The following NF1 variants were observed in gnomAD, a reference collection of about 807,000 sequenced individuals.
The protein encoded by NF1 is neurofibromin.
A neutral mutation model predicts 325.7 loss-of-function variants in NF1; 122 were observed. That is an observed-to-expected ratio of 0.37 (90% CI 0.32 to 0.44). The LOEUF (loss-of-function observed/expected upper bound fraction) is 0.44, where lower values mean the gene tolerates loss of function less well. Ranked by LOEUF, NF1 falls within the 20% of genes least tolerant of loss-of-function variation. The pLI is 1.00. For synonymous variants in NF1, 1,091 were observed against 1,186.0 expected (o/e 0.92, Z 1.65); for missense variants, 2,140 against 3,415.4 (o/e 0.63, Z 9.31).
intron 13 of NF1, among the ~76,000 whole-genome samples, chr17:31,215,608 G>A (rs1465514903): frequency 6.6e-6 from 1 of 152,148 alleles, no homozygotes; most frequent in South Asian, 2.1e-4. Flanking sequence ...ATAAATGTTA[G>A]CTATTATTGC....
chr17:31,133,264 G>A (rs1370802917), intron 1 of NF1: 2 of 152,178 alleles, frequency 1.3e-5, no homozygotes, highest in Non-Finnish European at 2.9e-5. Context: ...TAACTGGCTT[G>A]TTTCCGTTAG....
At chr17:31,238,693 C>CACT (rs2067243980) in intron 29 of NF1, among the ~76,000 whole-genome samples, 1 of 150,912 alleles carries the variant, frequency 6.6e-6, no homozygotes, top group Non-Finnish European at 1.5e-5. Flanking sequence ...AGATTTGCAC[C>CACT]ACTGCACTCC....
chr17:31,230,971 A>T, intron 24 of NF1, 46 bp downstream of exon 24: 1 of 1,365,850 alleles, frequency 7.3e-7, no homozygotes, highest in Non-Finnish European at 1.0e-6. Flanking sequence ...TTACTGTGAG[A>T]GTTATAACTA....
At chr17:31,119,187 C>T (rs549836942) in intron 1 of NF1, among the ~76,000 whole-genome samples, 7 of 152,066 alleles carry the variant, frequency 4.6e-5, no homozygotes, top group East Asian at 1.9e-4. Flanking sequence ...GTAATCTGCC[C>T]GCCTCGGCCT....
At position 31,290,921 on chromosome 17, in the gene NF1, G is replaced by T. The variant is rs1054085653; in HGVS notation, c.4835+25582G>T. 2.0e-5 allele frequency among the ~76,000 whole-genome samples: 3 copies of T among 150,060 alleles called. No homozygotes were observed. The East Asian group carries it at 5.8e-4, about 29-fold the overall frequency. ...CTCAGGAGGCTGAAGCAGAAGAATC[G>T]CTTGAACCCAGGAGGTGGAGGATGC... On this transcript the variant is annotated intron_variant, in intron 36 of 57. Coordinates refer to ENST00000358273, the MANE Select transcript of NF1 (RefSeq NM_001042492.3).
rs1325370174 is a variant in NF1, at chr17:31,335,274, T to TTATATACATATA, written c.6006+249_6006+250insCATATATATATA. On this transcript the variant is annotated intron_variant, in intron 40 of 57. Transcript: ENST00000358273. ...TTGCACAGTCTCCTTCAAGGCATAA[T>TTATATACATATA]TATATATATATATATATATATAATT... is the stretch of plus-strand genomic sequence containing the variant. 5.5e-3 allele frequency among the ~76,000 whole-genome samples: 37 copies of TTATATACATATA among 6,702 alleles called. 2 individuals carry two copies. The highest frequency in any genetic ancestry group is 0.011 in the African/African-American group (31 of 2,840). The allele number at this position is 6,702 out of a possible 152,430, so 4.4% of individuals were successfully genotyped here. A position where few individuals can be genotyped will look rare whatever the true frequency, so the allele number is the denominator to read the frequency against.
At chr17:31,184,037 G>A (rs2066186644) in intron 8 of NF1, among the ~76,000 whole-genome samples, 1 of 152,122 alleles carries the variant, frequency 6.6e-6, no homozygotes, top group South Asian at 2.1e-4. Flanking sequence ...TACAAGGAGT[G>A]TGGTTCTAGA....
At chr17:31,274,567 G>T (rs1415815630) in intron 36 of NF1, among the ~76,000 whole-genome samples, 1 of 151,858 alleles carries the variant, frequency 6.6e-6, no homozygotes, top group African/African-American at 2.4e-5. Flanking sequence ...TTAACTGGAG[G>T]TTAATGTGGT....
At chr17:31,179,403 A>G (rs2066084188) in intron 5 of NF1, among the ~76,000 whole-genome samples, 2 of 152,232 alleles carry the variant, frequency 1.3e-5, no homozygotes, top group Non-Finnish European at 2.9e-5. Flanking sequence ...CCCACAAGAT[A>G]AAGCAGGAAA....
chr17:31,346,132 A>C, intron 48 of NF1: 2 of 1,611,200 alleles, frequency 1.2e-6, no homozygotes, highest in Non-Finnish European at 1.7e-6. Context: ...ATCTGGCCCT[A>C]CGTTTACACA....
chr17:31,319,754 A>AG (rs1555626912), intron 36 of NF1, among the ~76,000 whole-genome samples: 1 of 107,408 alleles, frequency 9.3e-6, no homozygotes, highest in South Asian at 3.5e-4. Flanking sequence ...AAAAATCTGA[A>AG]GAAAAAAAAA....
chr17:31,200,270 C>G, intron 8 of NF1, 152 bp from the exon 9 acceptor site: 2 of 650,476 alleles, frequency 3.1e-6, no homozygotes, highest in South Asian at 4.1e-5. Context: ...ATGATGACCA[C>G]TACTTAAATT....
At chr17:31,197,174 A>G (rs1291002448) in intron 8 of NF1, among the ~76,000 whole-genome samples, 2 of 151,540 alleles carry the variant, frequency 1.3e-5, no homozygotes, top group Non-Finnish European at 2.9e-5. Context: ...CCTCCCAAGT[A>G]TCTGGGACTA....
chr17:31,213,487 G>C (rs1031827387), intron 12 of NF1, among the ~76,000 whole-genome samples: 5 of 152,120 alleles, frequency 3.3e-5, no homozygotes, highest in Admixed American at 3.3e-4. Flanking sequence ...TGTTTACCTG[G>C]ACATTTGTAT....
intron 3 of NF1, among the ~76,000 whole-genome samples, chr17:31,160,645 T>C (rs1183411539): frequency 2.0e-5 from 3 of 152,210 alleles, no homozygotes; most frequent in Admixed American, 6.5e-5. Flanking sequence ...AGTGGTCTTA[T>C]TACTTTGACT....
In NF1 at chr17:31,159,050, C is replaced by T. The variant is rs199474729; in HGVS notation, c.245C>T (p.Ser82Phe). The T allele has an allele frequency of 6.2e-7, 1 of 1,608,746 alleles. No homozygotes were observed. Among genetic ancestry groups the T allele is most frequent in the Admixed American group, 1.7e-5 (1 of 60,002 alleles). ...GCTGCTGAAAAAAATTTATATCTCTCTCAGTTGATTATATTGGATACACTG... is the reference window on the plus strand; with the variant it reads ...GCTGCTGAAAAAAATTTATATCTCTTTCAGTTGATTATATTGGATACACTG... The part of the protein sequence containing the change: ...GEAAEKNLYL[S>F]QLIILDTLEK... Residue 82 changes from serine (S) to phenylalanine (F), a missense_variant, in exon 3 of 58, where the codon TCT (serine) becomes TTT (phenylalanine). Physicochemically the swap from Ser to Phe is radical, Grantham distance 155. Around this residue, in one of 10 missense-constraint regions of NF1, gnomAD observed 246 missense variants for 347.8 expected, o/e 0.71. Coordinates refer to ENST00000358273, the MANE Select transcript of NF1 (RefSeq NM_001042492.3).
intron 1 of NF1, among the ~76,000 whole-genome samples, chr17:31,111,266 A>G (rs1429059001): frequency 6.6e-6 from 1 of 152,094 alleles, no homozygotes; most frequent in African/African-American, 2.4e-5. Context: ...AGACATGTGG[A>G]ACATTAGTAA....
intron 1 of NF1, among the ~76,000 whole-genome samples, chr17:31,100,060 G>T (rs1476117378): frequency 4.7e-5 from 7 of 148,952 alleles, no homozygotes; most frequent in African/African-American, 1.5e-4. Context: ...ATGATTTGTT[G>T]TAAATATGTT....
In NF1 at chr17:31,155,934, G is replaced by C. The variant is rs368403117; in HGVS notation, c.61-49G>C. 4 of 1,582,838 alleles carry C rather than the reference G, an allele frequency of 2.5e-6. No homozygotes were observed. The African/African-American group carries it at 5.4e-5, about 22-fold the overall frequency. On this transcript the variant is annotated intron_variant, in intron 1 of 57. Coordinates refer to ENST00000358273, the MANE Select transcript of NF1 (RefSeq NM_001042492.3). ...AATGGCAAGTAAGTTATTTATGGTC[G>C]TTTTTAAGGATAAGCTGTTAACGTG...
Sources: allele counts gnomAD v4.1 joint callset (sites outside exome capture counted in the v4.1 genomes callset), GRCh38; gene constraint gnomAD v4.1.1; regional missense constraint gnomAD v4.1.1; transcripts MANE v1.5; gene names NCBI Gene and HGNC (gene_info 2026-07-23, HGNC 2026-07-21).